The following MTHFD2L variants were observed in gnomAD, a reference collection of about 807,000 sequenced individuals.
MTHFD2L encodes the protein methylenetetrahydrofolate dehydrogenase (NADP+ dependent) 2 like.
A neutral mutation model predicts 34.9 loss-of-function variants in MTHFD2L; 29 were observed. The observed-to-expected ratio is 0.83, with a 90% CI of 0.62 to 1.13. The LOEUF (loss-of-function observed/expected upper bound fraction) is 1.13, where lower values mean the gene tolerates loss of function less well. Ranked by LOEUF, MTHFD2L falls within the 50% of genes most tolerant of loss-of-function variation. The pLI, the probability that MTHFD2L is intolerant of heterozygous loss-of-function variation, is 0.00. For missense variants in MTHFD2L, 481 were observed against 446.5 expected, an observed-to-expected ratio of 1.08 and a Z score of -0.70; for synonymous variants, 167 against 155.7, an observed-to-expected ratio of 1.07 and a Z score of -0.54.
intron 7 of MTHFD2L, among the ~76,000 whole-genome samples, chr4:74,298,808 T>A (rs1749940119): frequency 6.6e-6 from 1 of 152,020 alleles, no homozygotes; most frequent in Admixed American, 6.6e-5. Context: ...TGAGCCATTC[T>A]TTGGACTTTT....
At chr4:74,289,969 C>G (rs1458848002) in intron 7 of MTHFD2L, among the ~76,000 whole-genome samples, 3 of 151,994 alleles carry the variant, frequency 2.0e-5, no homozygotes, top group Non-Finnish European at 4.4e-5. Flanking sequence ...AACAAAGAAT[C>G]AAAGGAAAGG....
At position 74,206,479 on chromosome 4, in the gene MTHFD2L, G is replaced by A. The variant is rs1031823518; in HGVS notation, c.712+5109G>A. ...GGCACATAATTAGATACTAGCATAC[G>A]GTTAGATAGATATGAGGGGAGTATA... On this transcript the variant is annotated intron_variant, in intron 5 of 7. Coordinates refer to ENST00000325278, the MANE Select transcript of MTHFD2L (RefSeq NM_001144978.3). Among the ~76,000 whole-genome samples the A allele has an allele frequency of 4.6e-5, 7 of 152,260 alleles. No individual in the cohort carries two copies. In the South Asian group the frequency reaches 6.2e-4, roughly 14 times the overall value.
intron 6 of MTHFD2L, among the ~76,000 whole-genome samples, chr4:74,228,813 A>G (rs570865143): frequency 6.6e-6 from 1 of 152,352 alleles, no homozygotes; most frequent in African/African-American, 2.4e-5. Flanking sequence ...GACAGGAGCC[A>G]GGAGGTACTC....
chr4:74,229,271 AT>A (rs1739652396), intron 6 of MTHFD2L, among the ~76,000 whole-genome samples: 1 of 152,234 alleles, frequency 6.6e-6, no homozygotes, highest in Admixed American at 6.5e-5. Context: ...AATATAAAAA[AT>A]AAATCCCATA....
At chr4:74,186,525 G>A (rs1414897697) in intron 3 of MTHFD2L, among the ~76,000 whole-genome samples, 3 of 149,186 alleles carry the variant, frequency 2.0e-5, no homozygotes, top group Admixed American at 6.7e-5. Context: ...TAGAGGAATC[G>A]ATTTTTATTC....
chr4:74,239,766 A>G (rs918972219), intron 6 of MTHFD2L, among the ~76,000 whole-genome samples: 2 of 152,186 alleles, frequency 1.3e-5, no homozygotes, highest in Non-Finnish European at 2.9e-5. Flanking sequence ...TCAATATAAG[A>G]ATCAGATATT....
chr4:74,132,685 T>C (rs1315694543), intron 1 of MTHFD2L, among the ~76,000 whole-genome samples: 1 of 152,170 alleles, frequency 6.6e-6, no homozygotes, highest in African/African-American at 2.4e-5. Context: ...CATGTATACC[T>C]ATGTAACAAA....
At chr4:74,139,390 G>A (rs549999976) in intron 1 of MTHFD2L, among the ~76,000 whole-genome samples, 13 of 152,308 alleles carry the variant, frequency 8.5e-5, no homozygotes, top group African/African-American at 2.9e-4. Flanking sequence ...GAGTATCCAG[G>A]GCTAGGGATG....
At chr4:74,249,021 A>G (rs1201535240) in intron 6 of MTHFD2L, among the ~76,000 whole-genome samples, 3 of 152,170 alleles carry the variant, frequency 2.0e-5, no homozygotes, top group South Asian at 4.1e-4. Context: ...GCTGAGTTCA[A>G]TTCCTGGGTA....
intron 3 of MTHFD2L, 24 bp from the exon 4 acceptor site, chr4:74,199,770 A>G (rs1471443234): frequency 6.4e-7 from 1 of 1,571,182 alleles, no homozygotes; most frequent in Non-Finnish European, 8.6e-7. Flanking sequence ...TTTTAAAATT[A>G]GACAAATTTT....
intron 5 of MTHFD2L, among the ~76,000 whole-genome samples, chr4:74,221,243 C>A (rs1738129900): frequency 6.6e-6 from 1 of 151,060 alleles, no homozygotes; most frequent in South Asian, 2.1e-4. Flanking sequence ...CAAGTTTATA[C>A]CATTTGCACA....
chr4:74,220,059 G>A (rs1232314510), intron 5 of MTHFD2L, among the ~76,000 whole-genome samples: 2 of 150,008 alleles, frequency 1.3e-5, no homozygotes, highest in Non-Finnish European at 3.0e-5. Context: ...AGTACTGATG[G>A]AAATGGGAAG....
intron 5 of MTHFD2L, among the ~76,000 whole-genome samples, chr4:74,203,655 A>T (rs1014401880): frequency 6.6e-6 from 1 of 152,132 alleles, no homozygotes; most frequent in Non-Finnish European, 1.5e-5. Context: ...AAACAACCAG[A>T]TATCATGAGA....
At chr4:74,204,582 A>G (rs959014194) in intron 5 of MTHFD2L, among the ~76,000 whole-genome samples, 1 of 152,182 alleles carries the variant, frequency 6.6e-6, no homozygotes, top group African/African-American at 2.4e-5. Flanking sequence ...AAAGTATTTG[A>G]TTAGAAATAG....
intron 5 of MTHFD2L, among the ~76,000 whole-genome samples, chr4:74,219,604 G>A (rs1409351790): frequency 6.6e-6 from 1 of 152,110 alleles, no homozygotes; most frequent in Admixed American, 6.6e-5. Context: ...AGTTAAATAA[G>A]AATAGGTTTA....
At chr4:74,149,928 T>C (rs1578259744) in intron 1 of MTHFD2L, among the ~76,000 whole-genome samples, 3 of 152,302 alleles carry the variant, frequency 2.0e-5, no homozygotes, top group African/African-American at 7.2e-5. Context: ...TTATCTTGAA[T>C]TAACCTAGTG....
At chr4:74,158,104 T>G (rs1262532126), upstream of MTHFD2L, 4 of 1,531,094 alleles carry the variant, frequency 2.6e-6, no homozygotes, top group Non-Finnish European at 3.5e-6. Context: ...TCGCGGGAGG[T>G]GGAGCCCCAG....
intron 1 of MTHFD2L, among the ~76,000 whole-genome samples, chr4:74,126,894 C>T (rs1233288521): frequency 6.6e-6 from 1 of 151,928 alleles, no homozygotes; most frequent in African/African-American, 2.4e-5. Context: ...ATTTCAGTTC[C>T]CATAATCCCC....
At chr4:74,209,550 T>C (rs1279489376) in intron 5 of MTHFD2L, among the ~76,000 whole-genome samples, 3 of 152,232 alleles carry the variant, frequency 2.0e-5, no homozygotes, top group Non-Finnish European at 4.4e-5. Flanking sequence ...GGGCATAGTA[T>C]TCCATGGTGT....
Sources: allele counts gnomAD v4.1 joint callset (sites outside exome capture counted in the v4.1 genomes callset), GRCh38; gene constraint gnomAD v4.1.1; transcripts MANE v1.5; gene names NCBI Gene and HGNC (gene_info 2026-07-23, HGNC 2026-07-21).